The following DPYD variants were observed in gnomAD, a reference collection of about 807,000 sequenced individuals.
DPYD encodes the protein dihydropyrimidine dehydrogenase.
In DPYD, 109 loss-of-function variants were observed where a neutral mutation model predicts 116.2. The observed-to-expected ratio is 0.94, with a 90% CI of 0.80 to 1.10. DPYD has a LOEUF of 1.10. Ranked by LOEUF, DPYD falls within the 50% of genes least tolerant of loss-of-function variation. The probability of loss-of-function intolerance (pLI) is 0.00; values close to 1 mark genes in which losing one functional copy is unlikely to be tolerated. For missense variants in DPYD, 1,302 were observed against 1,254.5 expected, an observed-to-expected ratio of 1.04 and a Z score of -0.57; for synonymous variants, 440 against 432.0, an observed-to-expected ratio of 1.02 and a Z score of -0.23.
At chr1:97,499,820 G>C (rs1480299355) in intron 13 of DPYD, among the ~76,000 whole-genome samples, 1 of 151,836 alleles carries the variant, frequency 6.6e-6, no homozygotes, top group African/African-American at 2.4e-5. Context: ...TTACACAATA[G>C]TGTAAGTCAA....
At chr1:97,318,921 A>C (rs1205922031) in intron 16 of DPYD, among the ~76,000 whole-genome samples, 3 of 144,802 alleles carry the variant, frequency 2.1e-5, no homozygotes, top group African/African-American at 5.2e-5. Flanking sequence ...CTCAGGATTA[A>C]GAATCTCACT....
At chr1:97,157,108 G>C (rs1655521719) in intron 20 of DPYD, among the ~76,000 whole-genome samples, 1 of 136,070 alleles carries the variant, frequency 7.3e-6, no homozygotes, top group Non-Finnish European at 1.6e-5. Flanking sequence ...CACACTCTGG[G>C]GACTGTTGTG....
chr1:97,325,998 T>C (rs1041040952), intron 16 of DPYD, among the ~76,000 whole-genome samples: 1 of 151,688 alleles, frequency 6.6e-6, no homozygotes, highest in Non-Finnish European at 1.5e-5. Flanking sequence ...TTTAGAAACA[T>C]AACTCTTATA....
At chr1:97,869,592 C>A (rs142621922) in intron 2 of DPYD, among the ~76,000 whole-genome samples, 2 of 151,832 alleles carry the variant, frequency 1.3e-5, no homozygotes, top group Non-Finnish European at 2.9e-5. Context: ...AGGTGTTCCC[C>A]TCCCTTCTTC....
intron 12 of DPYD, among the ~76,000 whole-genome samples, chr1:97,548,902 G>T (rs1242726732): frequency 2.0e-5 from 3 of 152,006 alleles, no homozygotes; most frequent in African/African-American, 7.2e-5. Flanking sequence ...GAGTATGTAA[G>T]ATTATAATTA....
At chr1:97,724,724 C>A (rs143697532) in intron 4 of DPYD, among the ~76,000 whole-genome samples, 2 of 151,630 alleles carry the variant, frequency 1.3e-5, no homozygotes, top group East Asian at 3.9e-4. Flanking sequence ...AAAACACTCT[C>A]ACAGAAACAT....
At chr1:97,099,787 C>A (rs1329172123) in intron 20 of DPYD, among the ~76,000 whole-genome samples, 1 of 152,032 alleles carries the variant, frequency 6.6e-6, no homozygotes, top group Admixed American at 6.6e-5. Context: ...GCTTGCATAA[C>A]GCCCCAGGAA....
chr1:97,176,335 C>T, intron 20 of DPYD, among the ~76,000 whole-genome samples: 1 of 152,314 alleles, frequency 6.6e-6, no homozygotes, highest in African/African-American at 2.4e-5. Context: ...AAATCTCTGG[C>T]TTGCTCTATT....
intron 4 of DPYD, among the ~76,000 whole-genome samples, chr1:97,730,475 C>T (rs1240903343): frequency 1.3e-5 from 2 of 152,078 alleles, no homozygotes; most frequent in Admixed American, 1.3e-4. Flanking sequence ...CCAGCCGCCT[C>T]GGCCTCCCAA....
chr1:97,159,785 A>G (rs114882902), intron 20 of DPYD, among the ~76,000 whole-genome samples: 1 of 152,088 alleles, frequency 6.6e-6, no homozygotes, highest in African/African-American at 2.4e-5. Context: ...GTTCCTTTTA[A>G]TCTTATTATT....
intron 16 of DPYD, among the ~76,000 whole-genome samples, chr1:97,323,308 G>C (rs577544026): frequency 6.9e-6 from 1 of 144,306 alleles, no homozygotes; most frequent in African/African-American, 2.6e-5. Context: ...ATATGTACAC[G>C]TATATATACA....
chr1:97,136,607 C>T (rs1653822083), intron 20 of DPYD, among the ~76,000 whole-genome samples: 2 of 152,074 alleles, frequency 1.3e-5, no homozygotes, highest in Non-Finnish European at 2.9e-5. Context: ...AACTTCCTGC[C>T]ATCAAAGCAG....
chr1:97,679,707 G>A (rs910696904), intron 7 of DPYD, among the ~76,000 whole-genome samples: 2 of 152,088 alleles, frequency 1.3e-5, no homozygotes, highest in African/African-American at 4.8e-5. Context: ...ATAACGGACA[G>A]TGTCAAGGGA....
chr1:97,563,453 A>C (rs1359473606), intron 11 of DPYD, among the ~76,000 whole-genome samples: 1 of 152,214 alleles, frequency 6.6e-6, no homozygotes, highest in African/African-American at 2.4e-5. Context: ...TGAAACAATT[A>C]CGTTATTTTT....
intron 19 of DPYD, among the ~76,000 whole-genome samples, chr1:97,220,630 C>T (rs1021028136): frequency 6.6e-6 from 1 of 152,060 alleles, no homozygotes; most frequent in African/African-American, 2.4e-5. Flanking sequence ...TCATTGAGGA[C>T]ATTATTTTCA....
intron 4 of DPYD, among the ~76,000 whole-genome samples, chr1:97,729,648 A>G (rs1663476471): frequency 6.6e-6 from 1 of 152,132 alleles, no homozygotes; most frequent in South Asian, 2.1e-4. Context: ...TAAAATATCA[A>G]TGACATGGGG....
intron 18 of DPYD, among the ~76,000 whole-genome samples, chr1:97,240,827 G>A (rs1393998428): frequency 6.6e-6 from 1 of 151,764 alleles, no homozygotes; most frequent in Admixed American, 6.6e-5. Context: ...CTAAAATTAA[G>A]TGTACAATGT....
At chr1:97,711,552 T>C (rs1229311481) in intron 5 of DPYD, among the ~76,000 whole-genome samples, 1 of 151,976 alleles carries the variant, frequency 6.6e-6, no homozygotes, top group Admixed American at 6.6e-5. Flanking sequence ...TATAAGTCAC[T>C]GTTTTTTAGT....
chr1:97,909,493 T>C (rs751387540), intron 1 of DPYD, among the ~76,000 whole-genome samples: 101 of 152,106 alleles, frequency 6.6e-4, no homozygotes, highest in Admixed American at 1.5e-3. Flanking sequence ...CCCAATGCCA[T>C]TGTCTTACTT....
Sources: gnomAD v4.1 joint callset for allele counts (sites outside exome capture counted in the v4.1 genomes callset) on GRCh38, gnomAD v4.1.1 for gene constraint, MANE v1.5 for transcripts, NCBI Gene and HGNC (gene_info 2026-07-23, HGNC 2026-07-21) for gene names.